SPINK8: variants seen among roughly 807,000 people sequenced by gnomAD.
SPINK8 encodes the protein serine peptidase inhibitor Kazal type 8 (putative), also known as serine protease inhibitor Kazal-type 8.
A neutral mutation model predicts 14.4 loss-of-function variants in SPINK8; 12 were observed. That is an observed-to-expected ratio of 0.83 (90% CI 0.53 to 1.35). The LOEUF is 1.35. SPINK8 is among the 40% of genes most tolerant of loss of function. The probability of loss-of-function intolerance (pLI) is 0.00; values close to 1 mark genes in which losing one functional copy is unlikely to be tolerated. For missense variants in SPINK8, 103 were observed against 117.0 expected, an observed-to-expected ratio of 0.88 and a Z score of 0.55; for synonymous variants, 32 against 37.6, an observed-to-expected ratio of 0.85 and a Z score of 0.55.
chr3:48,332,783 G>A (rs2107119544), intron 1 of SPINK8, among the ~76,000 whole-genome samples: 1 of 152,288 alleles, frequency 6.6e-6, no homozygotes, highest in Middle Eastern at 3.4e-3. Context: ...CTCCATGTCA[G>A]ATCAAAGGAT....
chr3:48,321,182 C>T, intron 4 of SPINK8, 108 bp from the exon 5 acceptor site: 1 of 1,077,086 alleles, frequency 9.3e-7, no homozygotes, highest in Non-Finnish European at 1.3e-6. Flanking sequence ...CATCAAACCC[C>T]ATCAGAAGAG....
intron 2 of SPINK8, among the ~76,000 whole-genome samples, chr3:48,329,648 C>T (rs2036189370): frequency 6.6e-6 from 1 of 152,192 alleles, no homozygotes; most frequent in Non-Finnish European, 1.5e-5. Context: ...TCTATATTGA[C>T]TTATAGAGGT....
intron 7 of SPINK8, among the ~76,000 whole-genome samples, chr3:48,309,232 A>G (rs1418954154): frequency 1.3e-5 from 2 of 152,284 alleles, no homozygotes; most frequent in East Asian, 3.9e-4. Flanking sequence ...GATTTCTCCC[A>G]GTCTTGTTGC....
At chr3:48,323,088 T>G (rs563820025) in intron 4 of SPINK8, among the ~76,000 whole-genome samples, 22 of 152,210 alleles carry the variant, frequency 1.4e-4, no homozygotes, top group Non-Finnish European at 2.6e-4. Context: ...TTACTATCTT[T>G]CTTTTTTCTT....
intron 6 of SPINK8, among the ~76,000 whole-genome samples, chr3:48,313,017 G>T (rs192548929): frequency 1.2e-3 from 156 of 133,942 alleles, no homozygotes; most frequent in African/African-American, 3.8e-3. Context: ...AAAGATCAAT[G>T]GGCTAAAACT....
chr3:48,316,130 G>A (rs2035990138), intron 6 of SPINK8, among the ~76,000 whole-genome samples: 1 of 152,162 alleles, frequency 6.6e-6, no homozygotes. Flanking sequence ...ACACTGTCAA[G>A]GGCATCAACA....
At chr3:48,327,688 G>A (rs966188923) in intron 4 of SPINK8, among the ~76,000 whole-genome samples, 7 of 152,260 alleles carry the variant, frequency 4.6e-5, no homozygotes, top group Non-Finnish European at 1.0e-4. Context: ...TGTTTTTTAC[G>A]TAAGATATGA....
intron 4 of SPINK8, among the ~76,000 whole-genome samples, chr3:48,323,963 T>A (rs757969281): frequency 8.6e-5 from 13 of 151,770 alleles, no homozygotes; most frequent in Non-Finnish European, 1.6e-4. Flanking sequence ...CTATTTTGTC[T>A]ATTGTCAGTC....
At chr3:48,317,297 TG>T (rs1167034150) in intron 6 of SPINK8, among the ~76,000 whole-genome samples, 3 of 152,148 alleles carry the variant, frequency 2.0e-5, no homozygotes, top group African/African-American at 7.2e-5. Flanking sequence ...GAGACCAGCC[TG>T]GCCAACATGG....
intron 4 of SPINK8, among the ~76,000 whole-genome samples, chr3:48,326,524 T>C (rs2036143749): frequency 6.6e-6 from 1 of 151,974 alleles, no homozygotes; most frequent in Non-Finnish European, 1.5e-5. Flanking sequence ...GGAGAATCGC[T>C]TGAACTTGGG....
intron 4 of SPINK8, among the ~76,000 whole-genome samples, chr3:48,325,965 A>T (rs1315676152): frequency 6.7e-6 from 1 of 148,900 alleles, no homozygotes; most frequent in Non-Finnish European, 1.5e-5. Flanking sequence ...GGTGAGGGCC[A>T]TCAGGGCCCC....
chr3:48,319,687 G>A, intron 5 of SPINK8, 69 bp from the exon 6 acceptor site: 1 of 1,596,296 alleles, frequency 6.3e-7, no homozygotes, highest in Non-Finnish European at 8.5e-7. Context: ...ATTATGTATA[G>A]CTTGGGAGGT....
intron 6 of SPINK8, among the ~76,000 whole-genome samples, chr3:48,315,941 A>C (rs1249097278): frequency 6.6e-6 from 1 of 152,186 alleles, no homozygotes; most frequent in African/African-American, 2.4e-5. Context: ...GAGCAGACAG[A>C]AGAAAGAGTC....
intron 4 of SPINK8, among the ~76,000 whole-genome samples, chr3:48,323,733 T>C (rs1322713060): frequency 5.9e-5 from 9 of 152,214 alleles, no homozygotes; most frequent in Non-Finnish European, 1.2e-4. Context: ...TCAGAGCTTG[T>C]TAAAATCAAT....
At chr3:48,327,195 T>C in intron 4 of SPINK8, among the ~76,000 whole-genome samples, 1 of 152,198 alleles carries the variant, frequency 6.6e-6, no homozygotes, top group Non-Finnish European at 1.5e-5. Context: ...GTACATGGGT[T>C]AGAGTAAGTC....
Position 48,332,449 on chromosome 3 carries a change from G to T in SPINK8, c.-219C>A, listed in dbSNP as rs1452559369. 6.6e-6 allele frequency among the ~76,000 whole-genome samples: 1 copy of T among 152,168 alleles called. No individual in the cohort carries two copies. The highest frequency in any genetic ancestry group is 1.5e-5 in the Non-Finnish European group (1 of 68,016). ...TGCCTCCCTTAGTCTCTCCAGAAAG[G>T]CAGTAGGATTTTCTTCCTTTCCCTG... On this transcript the variant is annotated 5_prime_UTR_variant, in exon 2 of 8. Coordinates refer to ENST00000434006, the MANE Select transcript of SPINK8 (RefSeq NM_001080525.3).
At chr3:48,327,472 G>A (rs527543052) in intron 4 of SPINK8, among the ~76,000 whole-genome samples, 2 of 152,336 alleles carry the variant, frequency 1.3e-5, no homozygotes, top group South Asian at 2.1e-4. Context: ...CTTTGGTTGA[G>A]TTATGGTGTG....
intron 2 of SPINK8, among the ~76,000 whole-genome samples, chr3:48,329,533 G>A (rs997662908): frequency 1.3e-5 from 2 of 152,008 alleles, no homozygotes; most frequent in Admixed American, 6.6e-5. Flanking sequence ...CATTCAAGAC[G>A]GCTTCAGATA....
chr3:48,315,720 C>CAAAAAAAAAAAAAAAAAAAAAAAA lies in SPINK8; in HGVS notation c.239+3753_239+3776dup, dbSNP rs66504818. ...TGGGTAACAGAGTAAGACTCCATCT[C>CAAAAAAAAAAAAAAAAAAAAAAAA]AAAAAAAAAAAAAAAAAAAAAAAAG... On this transcript the variant is annotated intron_variant, in intron 6 of 7. Transcript: ENST00000434006. 3.2e-4 allele frequency among the ~76,000 whole-genome samples: 7 copies of CAAAAAAAAAAAAAAAAAAAAAAAA among 21,940 alleles called. 1 individual carries two copies. Among genetic ancestry groups the CAAAAAAAAAAAAAAAAAAAAAAAA allele is most frequent in the African/African-American group, 5.7e-4 (4 of 7,040 alleles). 14.4% of individuals were successfully genotyped at this position (21,940 alleles called of 152,430 possible).
Sources: gnomAD v4.1 joint callset for allele counts (sites outside exome capture counted in the v4.1 genomes callset) on GRCh38, gnomAD v4.1.1 for gene constraint, MANE v1.5 for transcripts, NCBI Gene and HGNC (gene_info 2026-07-23, HGNC 2026-07-21) for gene names.